NLRP8: variants seen among roughly 807,000 people sequenced by gnomAD.
NLRP8 encodes the protein NACHT, LRR and PYD domains-containing protein 8.
A neutral mutation model predicts 88.7 loss-of-function variants in NLRP8; 86 were observed. That is an observed-to-expected ratio of 0.97 (90% confidence interval 0.81 to 1.16). The LOEUF (loss-of-function observed/expected upper bound fraction) is 1.16, where lower values mean the gene tolerates loss of function less well. Ranked by LOEUF, NLRP8 falls within the 50% of genes most tolerant of loss-of-function variation. NLRP8 has a pLI of 0.00. For missense variants in NLRP8, 1,342 were observed against 1,286.5 expected, an observed-to-expected ratio of 1.04 and a Z score of -0.66; for synonymous variants, 504 against 494.6, an observed-to-expected ratio of 1.02 and a Z score of -0.25.
chr19:55,971,922 ATTTT>A (rs1259928651), intron 6 of NLRP8, among the ~76,000 whole-genome samples: 1 of 151,872 alleles, frequency 6.6e-6, no homozygotes, highest in Non-Finnish European at 1.5e-5. Context: ...ACTAGCGACT[ATTTT>A]TTTATCATCT....
intron 8 of NLRP8, among the ~76,000 whole-genome samples, chr19:55,976,726 A>ATG (rs149147682): frequency 2.5e-4 from 5 of 19,906 alleles, no homozygotes; most frequent in South Asian, 2.7e-3. Flanking sequence ...ATACATATAT[A>ATG]AATATATATG....
chr19:55,969,744 G>A (rs1227147894), intron 5 of NLRP8, among the ~76,000 whole-genome samples: 1 of 152,082 alleles, frequency 6.6e-6, no homozygotes, highest in Non-Finnish European at 1.5e-5. Flanking sequence ...GTTTTCATCT[G>A]CCAGCGTTGC....
intron 6 of NLRP8, 130 bp downstream of exon 6, chr19:55,970,826 T>G (rs1980045117): frequency 2.5e-6 from 3 of 1,202,568 alleles, no homozygotes; most frequent in South Asian, 3.0e-5. Context: ...GTCTTGTGAT[T>G]GATGTAATTA....
chr19:55,980,880 G>T (rs911796233), intron 9 of NLRP8, among the ~76,000 whole-genome samples, 179 bp from the exon 10 acceptor site: 12 of 152,078 alleles, frequency 7.9e-5, no homozygotes, highest in African/African-American at 2.9e-4. Flanking sequence ...GAACCCCAAG[G>T]CACTTTGAAT....
At chr19:55,968,977 A>G (rs948197672) in intron 5 of NLRP8, among the ~76,000 whole-genome samples, 1 of 152,102 alleles carries the variant, frequency 6.6e-6, no homozygotes, top group Non-Finnish European at 1.5e-5. Flanking sequence ...CTCTGAGCTG[A>G]AAATCAGCCA....
At chr19:55,949,297 G>T (rs1978988645) in intron 1 of NLRP8, among the ~76,000 whole-genome samples, 2 of 152,042 alleles carry the variant, frequency 1.3e-5, no homozygotes, top group Non-Finnish European at 2.9e-5. Context: ...GAGTGCAGTG[G>T]TGTGATCTCA....
chr19:55,961,097 G>T (rs187976292), intron 3 of NLRP8, among the ~76,000 whole-genome samples: 4 of 152,008 alleles, frequency 2.6e-5, no homozygotes, highest in Admixed American at 1.3e-4. Flanking sequence ...TAGAGACAGG[G>T]TTTCACTATG....
intron 2 of NLRP8, among the ~76,000 whole-genome samples, chr19:55,953,455 C>A (rs1979185230): frequency 6.6e-6 from 1 of 152,066 alleles, no homozygotes; most frequent in South Asian, 2.1e-4. Flanking sequence ...CACTTGGGGA[C>A]CACTTCAATA....
In NLRP8 at chr19:55,955,579, C is replaced by T. The variant is rs766925528; in HGVS notation, c.1521C>T (p.Leu507=). Residue 507 remains leucine (L), a synonymous_variant, in exon 3 of 10, where the codon CTC becomes CTT. Coordinates refer to ENST00000291971, the MANE Select transcript of NLRP8 (RefSeq NM_176811.2). ...AGGAAGACCACTATGTCTTTACCCT[C>T]GTGACTTTTCAGGAATTTTTTGCGG... is the stretch of plus-strand genomic sequence containing the variant. The T allele has an allele frequency of 2.5e-6, 4 of 1,614,170 alleles. No homozygotes were observed. The highest frequency in any genetic ancestry group is 2.5e-6 in the Non-Finnish European group (3 of 1,180,034).
chr19:55,976,850 T>G (rs306480), intron 8 of NLRP8, among the ~76,000 whole-genome samples: 105,317 of 149,544 alleles, frequency 0.7, 37,631 homozygotes, highest in African/African-American at 0.83. Flanking sequence ...GAGGCTGAGG[T>G]GGGGCGGATC....
At position 55,973,064 on chromosome 19, in the gene NLRP8, A is replaced by C. The variant is rs1234587361; in HGVS notation, c.2535-588A>C. Among the ~76,000 whole-genome samples, 5 of 152,124 alleles carry C rather than the reference A, an allele frequency of 3.3e-5. No homozygotes were observed. The East Asian group carries it at 9.6e-4, about 29-fold the overall frequency. On this transcript the variant is annotated intron_variant, in intron 6 of 9. Coordinates refer to ENST00000291971, the MANE Select transcript of NLRP8 (RefSeq NM_176811.2). ...CACTGTTTTCCACAGTGGCTGTACT[A>C]GTTTACATTTCCATCAACAGTGTAA... is the stretch of plus-strand genomic sequence containing the variant.
rs143394774 is a variant in NLRP8 at position 55,955,126 on chromosome 19, G to A, written c.1068G>A (p.Gly356=). 7.4e-6 allele frequency: 12 copies of A among 1,614,042 alleles called. No individual in the cohort carries two copies. The African/African-American group carries it at 1.5e-4, about 20-fold the overall frequency. Residue 356 remains glycine, a synonymous_variant, in exon 3 of 10, where the codon GGG becomes GGA. Transcript: ENST00000291971. ...GTCCCTCTCTCGTAACCCTTCCGGG[G>A]TTTAATACGATGGAAAAAATCAAGT...
At chr19:55,951,046 C>A (rs562418886) in intron 1 of NLRP8, among the ~76,000 whole-genome samples, 3 of 152,186 alleles carry the variant, frequency 2.0e-5, no homozygotes, top group East Asian at 3.9e-4. Context: ...CCACTGCACT[C>A]CAGCCTGGGT....
In NLRP8 at chr19:55,979,543, A is replaced by C; in HGVS notation, c.3026A>C (p.Lys1009Thr). 1.2e-6 allele frequency: 2 copies of C among 1,614,216 alleles called. No individual in the cohort carries two copies. The highest frequency in any genetic ancestry group is 1.7e-6 in the Non-Finnish European group (2 of 1,180,022). ...TTGTGCGAGGCCTTCTCAAGCCAAA[A>C]GAAGAGAGAAGAGGTCATTTTGTAA... is the stretch of plus-strand genomic sequence containing the variant. Residue 1009 changes from lysine to threonine, a missense_variant, in exon 9 of 10, where the codon AAG becomes ACG. By Grantham distance (78) the Lys-to-Thr change is moderately conservative (BLOSUM62 -1). Transcript: ENST00000291971.
At chr19:55,950,850 C>A (rs1172044662) in intron 1 of NLRP8, among the ~76,000 whole-genome samples, 2 of 152,136 alleles carry the variant, frequency 1.3e-5, no homozygotes, top group Non-Finnish European at 2.9e-5. Flanking sequence ...GAGGCCGAGG[C>A]GGGAGGATCA....
intron 3 of NLRP8, among the ~76,000 whole-genome samples, chr19:55,958,987 T>G (rs959849548): frequency 1.6e-4 from 24 of 152,222 alleles, no homozygotes; most frequent in African/African-American, 5.3e-4. Context: ...CACGCCATTC[T>G]CCTGCCTCAG....
At chr19:55,972,296 G>C (rs1394905077) in intron 6 of NLRP8, among the ~76,000 whole-genome samples, 3 of 151,534 alleles carry the variant, frequency 2.0e-5, no homozygotes, top group African/African-American at 7.3e-5. Flanking sequence ...TGTATTTTTA[G>C]TAGACACGGG....
At chr19:55,983,898 C>T (rs998964565) in intron 9 of NLRP8, among the ~76,000 whole-genome samples, 2 of 150,292 alleles carry the variant, frequency 1.3e-5, no homozygotes, top group African/African-American at 4.9e-5. Flanking sequence ...AAACTTGGAA[C>T]CGATGGTGAC....
At chr19:55,971,637 T>C (rs1980077479) in intron 6 of NLRP8, among the ~76,000 whole-genome samples, 1 of 144,404 alleles carries the variant, frequency 6.9e-6, no homozygotes, top group South Asian at 2.2e-4. Flanking sequence ...TGTTTCTAAT[T>C]GTTGGCTACA....
Sources: gnomAD v4.1 joint callset for allele counts (sites outside exome capture counted in the v4.1 genomes callset) on GRCh38, gnomAD v4.1.1 for gene constraint, MANE v1.5 for transcripts, NCBI Gene and HGNC (gene_info 2026-07-23, HGNC 2026-07-21) for gene names.